CCSER1: variants seen among roughly 807,000 people sequenced by gnomAD.
CCSER1 encodes serine-rich coiled-coil domain-containing protein 1.
In CCSER1, 41 loss-of-function variants were observed where a neutral mutation model predicts 82.0. The ratio of observed to expected loss-of-function variants is 0.50; its 90% CI spans 0.39 to 0.65. The LOEUF (loss-of-function observed/expected upper bound fraction) is 0.65, where lower values mean the gene tolerates loss of function less well. Among genes scored for constraint, CCSER1 ranks in the 30% least tolerant of loss-of-function variants. The probability of loss-of-function intolerance (pLI) is 0.00; values close to 1 mark genes in which losing one functional copy is unlikely to be tolerated. For synonymous variants in CCSER1, 414 were observed against 383.9 expected (o/e 1.08, Z -0.92); for missense variants, 1,119 against 1,064.2 (o/e 1.05, Z -0.72).
intron 10 of CCSER1, among the ~76,000 whole-genome samples, chr4:91,267,101 C>T (rs1460480897): frequency 1.3e-5 from 2 of 152,118 alleles, no homozygotes; most frequent in Non-Finnish European, 2.9e-5. Flanking sequence ...AACAACCAGT[C>T]TGAATGTTAA....
intron 9 of CCSER1, among the ~76,000 whole-genome samples, chr4:90,963,272 T>G (rs1435265203): frequency 6.6e-6 from 1 of 152,286 alleles, no homozygotes; most frequent in South Asian, 2.1e-4. Flanking sequence ...TCCGAGGATG[T>G]GATCTAACAG....
chr4:90,380,288 A>G (rs1316848763), intron 3 of CCSER1, among the ~76,000 whole-genome samples: 2 of 152,212 alleles, frequency 1.3e-5, no homozygotes, highest in African/African-American at 2.4e-5. Flanking sequence ...TGAGAAAGCA[A>G]TAAAATGAAT....
intron 1 of CCSER1, among the ~76,000 whole-genome samples, chr4:90,149,001 TG>T (rs1246258844): frequency 6.6e-6 from 1 of 152,150 alleles, no homozygotes; most frequent in Non-Finnish European, 1.5e-5. Context: ...ACTTTGGCTT[TG>T]TTAGAATTTT....
chr4:90,652,427 T>C (rs1459517372), intron 6 of CCSER1, among the ~76,000 whole-genome samples: 1 of 152,130 alleles, frequency 6.6e-6, no homozygotes, highest in East Asian at 1.9e-4. Context: ...TAATGGGCTG[T>C]TACTTTTGAG....
At chr4:90,682,370 G>A (rs76806075) in intron 6 of CCSER1, among the ~76,000 whole-genome samples, 4,278 of 151,840 alleles carry the variant, frequency 0.028, 190 homozygotes, top group African/African-American at 0.098. Flanking sequence ...TGATAAGAAG[G>A]CACTTTTTAC....
At chr4:91,089,320 G>T (rs1002854105) in intron 10 of CCSER1, among the ~76,000 whole-genome samples, 2 of 152,222 alleles carry the variant, frequency 1.3e-5, no homozygotes, top group South Asian at 4.1e-4. Context: ...GTCATGGGTT[G>T]AATTTTAACT....
At chr4:91,048,332 AT>A (rs1232319950) in intron 9 of CCSER1, among the ~76,000 whole-genome samples, 1 of 151,006 alleles carries the variant, frequency 6.6e-6, no homozygotes, top group African/African-American at 2.4e-5. Context: ...CCTTCCCTTC[AT>A]TTTTTTCCTC....
At chr4:90,434,239 A>G (rs879462400) in intron 4 of CCSER1, among the ~76,000 whole-genome samples, 21 of 152,096 alleles carry the variant, frequency 1.4e-4, no homozygotes, top group Non-Finnish European at 2.2e-4. Flanking sequence ...AGCAAAAATA[A>G]TTTTTGATAT....
intron 7 of CCSER1, among the ~76,000 whole-genome samples, chr4:90,806,733 C>A (rs1191391114): frequency 6.6e-6 from 1 of 152,152 alleles, no homozygotes; most frequent in Non-Finnish European, 1.5e-5. Context: ...AGTACAAGAG[C>A]CAACCCACTT....
At chr4:91,481,306 G>T (rs919984577) in intron 10 of CCSER1, among the ~76,000 whole-genome samples, 1 of 151,922 alleles carries the variant, frequency 6.6e-6, no homozygotes, top group East Asian at 1.9e-4. Context: ...GGCAGTTTTG[G>T]TTTATCCTTA....
chr4:91,224,683 T>C (rs1248766490), intron 10 of CCSER1, among the ~76,000 whole-genome samples: 1 of 152,114 alleles, frequency 6.6e-6, no homozygotes, highest in Non-Finnish European at 1.5e-5. Flanking sequence ...TTTTGAACAT[T>C]ACATTCCAAA....
At chr4:91,515,145 A>G (rs1271229784) in intron 10 of CCSER1, among the ~76,000 whole-genome samples, 1 of 152,114 alleles carries the variant, frequency 6.6e-6, no homozygotes, top group Non-Finnish European at 1.5e-5. Context: ...AACTGTTTGT[A>G]TCTTTGAATC....
intron 3 of CCSER1, among the ~76,000 whole-genome samples, chr4:90,328,164 A>G (rs1207208443): frequency 6.6e-6 from 1 of 152,186 alleles, no homozygotes; most frequent in Non-Finnish European, 1.5e-5. Flanking sequence ...TGGAAATCTG[A>G]CAAAATTGAA....
At chr4:91,269,466 A>G (rs1220516623) in intron 10 of CCSER1, among the ~76,000 whole-genome samples, 2 of 152,222 alleles carry the variant, frequency 1.3e-5, no homozygotes, top group African/African-American at 2.4e-5. Flanking sequence ...AGGATTACTC[A>G]TATAAGCTTA....
intron 10 of CCSER1, among the ~76,000 whole-genome samples, chr4:91,255,399 C>A (rs1740609244): frequency 6.6e-6 from 1 of 152,126 alleles, no homozygotes; most frequent in Non-Finnish European, 1.5e-5. Flanking sequence ...GGGAATGTCA[C>A]AGTTGATAGT....
At chr4:90,237,884 C>G (rs1746089786) in intron 1 of CCSER1, among the ~76,000 whole-genome samples, 1 of 152,160 alleles carries the variant, frequency 6.6e-6, no homozygotes, top group African/African-American at 2.4e-5. Flanking sequence ...ACATTTCTCC[C>G]TGAGAATAGG....
chr4:90,150,705 A>G (rs1355011311), intron 1 of CCSER1, among the ~76,000 whole-genome samples: 2 of 152,168 alleles, frequency 1.3e-5, no homozygotes, highest in Admixed American at 1.3e-4. Flanking sequence ...TATTAAGAAG[A>G]AAAACCAATG....
chr4:91,368,563 A>G (rs1235657374), intron 10 of CCSER1, among the ~76,000 whole-genome samples: 1 of 152,124 alleles, frequency 6.6e-6, no homozygotes, highest in Non-Finnish European at 1.5e-5. Flanking sequence ...ATGTTTTATG[A>G]TAAATATTTT....
At chr4:90,627,025 A>G (rs968468358) in intron 5 of CCSER1, among the ~76,000 whole-genome samples, 14 of 152,300 alleles carry the variant, frequency 9.2e-5, no homozygotes, top group Admixed American at 2.0e-4. Context: ...ATTAACACAC[A>G]TGGAGTGGTT....
Sources: allele counts gnomAD v4.1 joint callset (sites outside exome capture counted in the v4.1 genomes callset), GRCh38; gene constraint gnomAD v4.1.1; transcripts MANE v1.5; gene names NCBI Gene and HGNC (gene_info 2026-07-23, HGNC 2026-07-21).